AKT3: variants seen among roughly 807,000 people sequenced by gnomAD.
AKT3 encodes AKT serine/threonine kinase 3, also known as RAC-gamma serine/threonine-protein kinase.
Under a neutral mutation model 65.3 loss-of-function variants are expected in AKT3, and 15 were observed. That is an observed-to-expected ratio of 0.23 (90% CI 0.15 to 0.35). The LOEUF is 0.35. Among genes scored for constraint, AKT3 ranks in the 10% least tolerant of loss-of-function variants. AKT3 has a pLI of 1.00. For missense variants in AKT3, 243 were observed against 576.5 expected, an observed-to-expected ratio of 0.42 and a Z score of 5.92; for synonymous variants, 206 against 183.8, an observed-to-expected ratio of 1.12 and a Z score of -0.98.
intron 2 of AKT3, among the ~76,000 whole-genome samples, chr1:243,834,213 A>G (rs1384478008): frequency 6.6e-6 from 1 of 152,132 alleles, no homozygotes; most frequent in East Asian, 1.9e-4. Flanking sequence ...ACATGTACAC[A>G]TATGTTCATC....
intron 4 of AKT3, among the ~76,000 whole-genome samples, chr1:243,654,168 A>G (rs1681588589): frequency 1.3e-5 from 2 of 151,994 alleles, no homozygotes; most frequent in African/African-American, 4.8e-5. Flanking sequence ...TTAAATTATA[A>G]TATTTAACTT....
At chr1:243,572,543 A>T (rs539574219) in intron 9 of AKT3, among the ~76,000 whole-genome samples, 1 of 152,336 alleles carries the variant, frequency 6.6e-6, no homozygotes, top group South Asian at 2.1e-4. Context: ...AAAACCACCC[A>T]AAGTTAATGC....
At chr1:243,779,179 G>C (rs903095736) in intron 2 of AKT3, among the ~76,000 whole-genome samples, 1 of 152,104 alleles carries the variant, frequency 6.6e-6, no homozygotes, top group African/African-American at 2.4e-5. Context: ...ATCGTTTGCT[G>C]TTACACACAA....
At chr1:243,652,652 A>T (rs12722863) in intron 4 of AKT3, among the ~76,000 whole-genome samples, 6,200 of 151,536 alleles carry the variant, frequency 0.041, 190 homozygotes, top group Middle Eastern at 0.089. Context: ...AGACTGGCAA[A>T]TTGGATAAAG....
intron 2 of AKT3, among the ~76,000 whole-genome samples, chr1:243,763,618 T>A (rs1489410793): frequency 6.6e-6 from 1 of 152,026 alleles, no homozygotes; most frequent in African/African-American, 2.4e-5. Context: ...TATAGCATAC[T>A]CAAATTTAAA....
chr1:243,512,164 AAATTC>A (rs1161455926), intron 13 of AKT3, among the ~76,000 whole-genome samples, 155 bp downstream of exon 13: 4 of 152,344 alleles, frequency 2.6e-5, no homozygotes, highest in Non-Finnish European at 4.4e-5. Context: ...CAATATTCTT[AAATTC>A]AATTCAATAT....
intron 2 of AKT3, among the ~76,000 whole-genome samples, chr1:243,770,033 C>T (rs890492461): frequency 2.6e-5 from 4 of 152,116 alleles, no homozygotes; most frequent in Admixed American, 6.5e-5. Flanking sequence ...ATGTGGAAAT[C>T]GGGTTGTCCC....
intron 12 of AKT3, among the ~76,000 whole-genome samples, chr1:243,525,488 A>G (rs1670985194): frequency 1.3e-5 from 2 of 151,886 alleles, no homozygotes. Context: ...AATTATCTTC[A>G]ATGACGTAAA....
intron 8 of AKT3, among the ~76,000 whole-genome samples, chr1:243,593,929 GC>G (rs1676420018): frequency 6.6e-6 from 1 of 152,132 alleles, no homozygotes; most frequent in Admixed American, 6.5e-5. Context: ...GCAGTCACAG[GC>G]AGTGAAAGAT....
intron 3 of AKT3, among the ~76,000 whole-genome samples, chr1:243,674,541 G>A (rs892442878): frequency 2.6e-5 from 4 of 152,144 alleles, no homozygotes; most frequent in Admixed American, 2.0e-4. Context: ...ATGACACCTC[G>A]TAGAAACGAT....
At chr1:243,743,957 A>G (rs1338108595) in intron 2 of AKT3, among the ~76,000 whole-genome samples, 3 of 152,248 alleles carry the variant, frequency 2.0e-5, no homozygotes, top group South Asian at 2.1e-4. Flanking sequence ...AGCATCTACA[A>G]AAGTTGAACA....
chr1:243,593,972 T>C (rs1436285864), intron 8 of AKT3, among the ~76,000 whole-genome samples: 1 of 151,992 alleles, frequency 6.6e-6, no homozygotes, highest in African/African-American at 2.4e-5. Context: ...AACAGACAAA[T>C]ATATACATGC....
chr1:243,680,607 A>C (rs1683841964), intron 3 of AKT3, among the ~76,000 whole-genome samples: 1 of 152,148 alleles, frequency 6.6e-6, no homozygotes, highest in African/African-American at 2.4e-5. Flanking sequence ...TAAAATAAAG[A>C]TATAGGGGTG....
intron 1 of AKT3, among the ~76,000 whole-genome samples, 190 bp downstream of exon 1, chr1:243,849,850 C>CCCGAAG (rs1371735987): frequency 2.6e-5 from 4 of 151,944 alleles, no homozygotes; most frequent in Non-Finnish European, 5.9e-5. Context: ...CACACCCACA[C>CCCGAAG]CCGAAGCCTC....
At chr1:243,847,416 TATA>T (rs1695567072) in intron 1 of AKT3, among the ~76,000 whole-genome samples, 1 of 152,116 alleles carries the variant, frequency 6.6e-6, no homozygotes, top group African/African-American at 2.4e-5. Flanking sequence ...AACTAAAAGA[TATA>T]ATAACAAAAG....
chr1:243,515,746 T>G (rs548422388), intron 12 of AKT3, among the ~76,000 whole-genome samples: 1 of 152,254 alleles, frequency 6.6e-6, no homozygotes, highest in East Asian at 1.9e-4. Flanking sequence ...ATCCCAGCAC[T>G]TTGGGAGGCC....
At chr1:243,577,214 T>C (rs1675005421) in intron 8 of AKT3, among the ~76,000 whole-genome samples, 1 of 152,194 alleles carries the variant, frequency 6.6e-6, no homozygotes, top group Non-Finnish European at 1.5e-5. Flanking sequence ...TGGCATGATC[T>C]TGGCTCACAG....
intron 12 of AKT3, among the ~76,000 whole-genome samples, chr1:243,522,528 A>T (rs901665268): frequency 6.6e-6 from 1 of 152,114 alleles, no homozygotes; most frequent in Non-Finnish European, 1.5e-5. Flanking sequence ...GTATGGTAGC[A>T]TGTGCCTGTG....
In AKT3 at chr1:243,670,446, A is replaced by T. The variant is rs556879805; in HGVS notation, c.173-5563T>A. Among the ~76,000 whole-genome samples the T allele has an allele frequency of 5.9e-5, 9 of 152,330 alleles. No homozygotes were observed. The East Asian group carries it at 1.7e-3, about 29-fold the overall frequency. ...GTTCGCAATAAGGAATCAGAAACAC[A>T]TGATTCTTAAAGGAAATGGTGGTTA... On this transcript the variant is annotated intron_variant, in intron 3 of 13. Transcript: ENST00000673466.
Sources: allele counts gnomAD v4.1 joint callset (sites outside exome capture counted in the v4.1 genomes callset), GRCh38; gene constraint gnomAD v4.1.1; transcripts MANE v1.5; gene names NCBI Gene and HGNC (gene_info 2026-07-23, HGNC 2026-07-21).